GRIK4: variants seen among roughly 807,000 people sequenced by gnomAD.
GRIK4 encodes the protein glutamate ionotropic receptor kainate type subunit 4, also known as glutamate receptor ionotropic, kainate 4.
GRIK4 carries 40 observed loss-of-function variants against 104.9 expected under a neutral mutation model. The ratio of observed to expected loss-of-function variants is 0.38; its 90% CI spans 0.30 to 0.50. The LOEUF (loss-of-function observed/expected upper bound fraction) is 0.50, where lower values mean the gene tolerates loss of function less well. GRIK4 is among the 20% of genes least tolerant of loss of function. GRIK4 has a pLI of 0.93. For missense variants in GRIK4, 1,047 were observed against 1,308.1 expected (o/e 0.80, Z 3.08); for synonymous variants, 485 against 524.9 (o/e 0.92, Z 1.04).
chr11:120,633,214 A>T (rs4936534), intron 1 of GRIK4, among the ~76,000 whole-genome samples: 60,215 of 151,990 alleles, frequency 0.4, 12,121 homozygotes, highest in Admixed American at 0.47. Context: ...TGAAGTGCCA[A>T]TGGCAAGGTA....
At chr11:120,898,083 C>G (rs1362845367) in intron 11 of GRIK4, among the ~76,000 whole-genome samples, 2 of 152,192 alleles carry the variant, frequency 1.3e-5, no homozygotes, top group Non-Finnish European at 2.9e-5. Context: ...TTTCAGCCAT[C>G]CAGCAAATGT....
At position 120,674,098 on chromosome 11, in the gene GRIK4, C is replaced by G. The variant is rs534656242; in HGVS notation, c.82+13698C>G. On this transcript the variant is annotated intron_variant, in intron 3 of 20. Coordinates refer to ENST00000527524, the MANE Select transcript of GRIK4 (RefSeq NM_014619.5). ...CATGGCTCCCGGCATCTTCTTTCTT[C>G]CAGAGATGCACCATTAGTGCCTTTG... is the stretch of plus-strand genomic sequence containing the variant. 1.2e-3 allele frequency among the ~76,000 whole-genome samples: 187 copies of G among 152,300 alleles called. 1 individual carries two copies. The highest frequency in any genetic ancestry group is 2.0e-3 in the Non-Finnish European group (136 of 68,038).
intron 1 of GRIK4, among the ~76,000 whole-genome samples, chr11:120,611,046 T>C (rs899559057): frequency 3.3e-5 from 5 of 152,134 alleles, no homozygotes; most frequent in African/African-American, 1.2e-4. Flanking sequence ...GACAAGACTT[T>C]GATTTGGATT....
intron 11 of GRIK4, 120 bp from the exon 12 acceptor site, chr11:120,898,412 C>T (rs180748685): frequency 6.7e-5 from 44 of 661,002 alleles, no homozygotes; most frequent in East Asian, 6.6e-4. Flanking sequence ...CCCCCGGCTC[C>T]GTACTCCACA....
chr11:120,957,126 C>T (rs1323531600), intron 16 of GRIK4, among the ~76,000 whole-genome samples, 173 bp downstream of exon 16: 1 of 152,158 alleles, frequency 6.6e-6, no homozygotes, highest in Non-Finnish European at 1.5e-5. Context: ...ATGGATGGGG[C>T]CTGCTCTGTG....
In GRIK4 at chr11:120,940,801, T is replaced by G. The variant is rs1459623935; in HGVS notation, c.1590+341T>G. Among the ~76,000 whole-genome samples the G allele has an allele frequency of 6.6e-6, 1 of 152,224 alleles. No individual in the cohort carries two copies. The highest frequency in any genetic ancestry group is 1.5e-5 in the Non-Finnish European group (1 of 68,030). On this transcript the variant is annotated intron_variant, in intron 14 of 20. Transcript: ENST00000527524. This position sits in a 1 kb window ranked among gnomAD's most constrained non-coding sequence, Gnocchi z 4.3. ...CCCAGATAAGTCACCCTAGCATTTC[T>G]CAAGCACGTTGCCAACTTCCAAGTC...
At chr11:120,620,308 CT>C (rs1201531256) in intron 1 of GRIK4, 22 of 669,574 alleles carry the variant, frequency 3.3e-5, no homozygotes, top group Non-Finnish European at 5.9e-5. Context: ...TCCTCAGGAA[CT>C]TTAGTAGTTT....
intron 1 of GRIK4, among the ~76,000 whole-genome samples, chr11:120,629,842 C>G (rs960858508): frequency 1.3e-5 from 2 of 152,184 alleles, no homozygotes; most frequent in African/African-American, 4.8e-5. Context: ...TCTGCCCACC[C>G]CCTCGGGAAT....
At chr11:120,943,107 TACACAC>T (rs1222269285) in intron 14 of GRIK4, among the ~76,000 whole-genome samples, 5 of 106,936 alleles carry the variant, frequency 4.7e-5, no homozygotes, top group South Asian at 4.0e-4. Flanking sequence ...TGTCCCTCTC[TACACAC>T]ACACACACAC....
intron 3 of GRIK4, among the ~76,000 whole-genome samples, chr11:120,790,398 A>T (rs1316046355): frequency 2.6e-5 from 4 of 152,178 alleles, no homozygotes; most frequent in Admixed American, 2.6e-4. Flanking sequence ...TGTGGGGTGG[A>T]GCAGTTCAGT....
At chr11:120,796,137 G>A (rs11218009) in intron 3 of GRIK4, among the ~76,000 whole-genome samples, 8,654 of 150,218 alleles carry the variant, frequency 0.058, 772 homozygotes, top group African/African-American at 0.19. Context: ...CCAGGTTCAC[G>A]CCATTCTCCT....
intron 1 of GRIK4, among the ~76,000 whole-genome samples, chr11:120,612,637 A>G (rs1374136020): frequency 6.6e-6 from 1 of 152,226 alleles, no homozygotes; most frequent in Non-Finnish European, 1.5e-5. Context: ...GGTTTTTCTG[A>G]TCATTTCCTG....
At chr11:120,837,723 C>A (rs548448493) in intron 8 of GRIK4, among the ~76,000 whole-genome samples, 32 of 151,102 alleles carry the variant, frequency 2.1e-4, no homozygotes, top group Non-Finnish European at 4.1e-4. Flanking sequence ...TAAATTAGAG[C>A]ATTAATATGT....
chr11:120,854,504 T>C (rs1591992495), intron 8 of GRIK4, among the ~76,000 whole-genome samples: 2 of 152,270 alleles, frequency 1.3e-5, no homozygotes, highest in East Asian at 3.9e-4. Flanking sequence ...GGAAGGGAGC[T>C]GTTAAGGTTC....
Position 120,981,956 on chromosome 11 carries a change from G to A in GRIK4, c.2396-150G>A, listed in dbSNP as rs578053336. ...AATAATTAAATATCTTCAAGGACTG[G>A]GTGTCTACATGTCAAGTAGATGCAT... On this transcript the variant is annotated intron_variant, in intron 19 of 20. Transcript: ENST00000527524. The A allele has an allele frequency of 6.9e-5, 46 of 662,634 alleles. No homozygotes were observed. The South Asian group carries it at 8.3e-4, about 12-fold the overall frequency. 41.0% of individuals were successfully genotyped at this position (662,634 alleles called of 1,614,324 possible). A position where few individuals can be genotyped will look rare whatever the true frequency, so the allele number is the denominator to read the frequency against.
intron 1 of GRIK4, among the ~76,000 whole-genome samples, chr11:120,607,975 G>A (rs1948983253): frequency 6.6e-6 from 1 of 152,172 alleles, no homozygotes; most frequent in Admixed American, 6.5e-5. Flanking sequence ...GCCGAGAGGA[G>A]TCAAATCAGG....
Position 120,819,973 on chromosome 11 carries a change from GCCCTGATTCCCTGTGC to G in GRIK4, c.511+59_511+74del. 6.4e-7 allele frequency: 1 copy of G among 1,569,620 alleles called. No individual in the cohort carries two copies. Among genetic ancestry groups the G allele is most frequent in the Non-Finnish European group, 8.7e-7 (1 of 1,145,528 alleles). ...CAGACAGTCCAGTCTTGTTGATTTTGCCCTGATTCCCTGTGCCCCTGGCTGGAGACCCTCCAGGAAG... is the reference window on the plus strand; with the variant it reads ...CAGACAGTCCAGTCTTGTTGATTTTGCCCTGGCTGGAGACCCTCCAGGAAG... On this transcript the variant is annotated intron_variant, in intron 6 of 20. Transcript: ENST00000527524. This position sits in a 1 kb window ranked among gnomAD's most constrained non-coding sequence, Gnocchi z 4.3.
rs1245945990 is a variant in GRIK4 at position 120,987,638 on chromosome 11, G to A, written c.*1378G>A. 6.6e-6 allele frequency: 1 copy of A among 152,142 alleles called. No individual in the cohort carries two copies. The highest frequency in any genetic ancestry group is 1.5e-5 in the Non-Finnish European group (1 of 68,034). The allele number at this position is 152,142 out of a possible 1,614,324, so 9.4% of individuals were successfully genotyped here. A position where few individuals can be genotyped will look rare whatever the true frequency, so the allele number is the denominator to read the frequency against. On this transcript the variant is annotated 3_prime_UTR_variant, in exon 21 of 21. Transcript: ENST00000527524. ...GCCCTCCCACCTTGTATGACTTTAG[G>A]TAAAGCATTTAACTTCTCTTCCATC...
chr11:120,835,196 G>A (rs1361159993), intron 7 of GRIK4, among the ~76,000 whole-genome samples: 10 of 152,126 alleles, frequency 6.6e-5, no homozygotes, highest in East Asian at 5.8e-4. Context: ...AGTTACCCCC[G>A]ACCTGCTCCT....
Sources: gnomAD v4.1 joint callset for allele counts (sites outside exome capture counted in the v4.1 genomes callset) on GRCh38, gnomAD v4.1.1 for gene constraint, Gnocchi (gnomAD v3.1) non-coding constraint, MANE v1.5 for transcripts, NCBI Gene and HGNC (gene_info 2026-07-23, HGNC 2026-07-21) for gene names.